The following TMPRSS11E variants were observed in gnomAD, a reference collection of about 807,000 sequenced individuals.
TMPRSS11E encodes transmembrane serine protease 11E, also known as transmembrane protease serine 11E.
In TMPRSS11E, 38 loss-of-function variants were observed where a neutral mutation model predicts 48.1. The ratio of observed to expected loss-of-function variants is 0.79; its 90% CI spans 0.61 to 1.04. TMPRSS11E has a LOEUF of 1.04. Ranked by LOEUF, TMPRSS11E falls within the 50% of genes least tolerant of loss-of-function variation. TMPRSS11E has a pLI of 0.00. For synonymous variants in TMPRSS11E, 158 were observed against 171.9 expected (o/e 0.92, Z 0.63); for missense variants, 530 against 510.8 (o/e 1.04, Z -0.36).
intron 9 of TMPRSS11E, among the ~76,000 whole-genome samples, chr4:68,491,298 G>GTAAA (rs1729713868): frequency 7.6e-5 from 1 of 13,116 alleles, no homozygotes; most frequent in Non-Finnish European, 1.6e-4. Flanking sequence ...GATATATGAA[G>GTAAA]CAAAAAAAAA....
At chr4:68,488,608 G>A (rs1371407946) in intron 9 of TMPRSS11E, among the ~76,000 whole-genome samples, 6 of 151,784 alleles carry the variant, frequency 4.0e-5, no homozygotes, top group Non-Finnish European at 5.9e-5. Flanking sequence ...GCAAGATATC[G>A]GCTCACTGCA....
chr4:68,490,721 T>C (rs1207097858), intron 9 of TMPRSS11E, among the ~76,000 whole-genome samples: 1 of 147,542 alleles, frequency 6.8e-6, no homozygotes, highest in African/African-American at 2.5e-5. Context: ...CATTACTGGG[T>C]GGTAGTTCAT....
intron 3 of TMPRSS11E, among the ~76,000 whole-genome samples, chr4:68,468,415 G>T (rs896708927): frequency 3.3e-5 from 5 of 152,044 alleles, no homozygotes; most frequent in African/African-American, 1.2e-4. Flanking sequence ...GCTGAACTTC[G>T]TGTACATTAT....
chr4:68,477,389 G>GGACT lies in TMPRSS11E; in HGVS notation c.730_733dup (p.Ala245AspfsTer24). On this transcript the variant is annotated frameshift_variant, in exon 8 of 10. Transcript: ENST00000305363. LOFTEE classifies it high-confidence loss of function. ...CCCAGATATAAGAACCCTGCCAGAT[G>GGACT]GACTGCTTCCTTTGGAGTAACAATA... 3 of 1,613,732 alleles carry GGACT rather than the reference G, an allele frequency of 1.9e-6. No homozygotes were observed. Among genetic ancestry groups the GGACT allele is most frequent in the Non-Finnish European group, 2.5e-6 (3 of 1,179,838 alleles).
intron 9 of TMPRSS11E, among the ~76,000 whole-genome samples, chr4:68,479,473 A>G (rs1341904049): frequency 6.7e-6 from 1 of 149,804 alleles, no homozygotes; most frequent in Non-Finnish European, 1.5e-5. Flanking sequence ...TTTAAGTTAT[A>G]TATATGTGTA....
chr4:68,481,323 A>C (rs560606553), intron 9 of TMPRSS11E, among the ~76,000 whole-genome samples: 1 of 152,302 alleles, frequency 6.6e-6, no homozygotes, highest in African/African-American at 2.4e-5. Context: ...TATACCCAGT[A>C]ATGGGATTGC....
chr4:68,490,662 C>A (rs932822277), intron 9 of TMPRSS11E, among the ~76,000 whole-genome samples: 1 of 151,608 alleles, frequency 6.6e-6, no homozygotes, highest in Non-Finnish European at 1.5e-5. Context: ...CTTGACTTCC[C>A]ACTACCTCTC....
chr4:68,478,989 C>T lies in TMPRSS11E; in HGVS notation c.1108C>T (p.Gln370Ter). 9 of 1,612,822 alleles carry T rather than the reference C, an allele frequency of 5.6e-6. No individual in the cohort carries two copies. The highest frequency in any genetic ancestry group is 7.6e-6 in the Non-Finnish European group (9 of 1,179,668). ...CTTAGAAGGAAAAACAGATGCATGC[C>T]AGGTAAACAGTTTTGCCCATTAGTA... ...GSLEGKTDACQGDSGGPLVSS... is the reference protein window; with the variant it reads ...GSLEGKTDAC The change falls in exon 9 of 10, where the codon CAG becomes TAG. Residue 370 changes from glutamine (Q) to a stop codon, truncating the protein, a stop_gained and splice_region_variant. Coordinates refer to ENST00000305363, the MANE Select transcript of TMPRSS11E (RefSeq NM_014058.4). LOFTEE classifies it high-confidence loss of function.
chr4:68,456,893 A>C (rs1227564872), intron 1 of TMPRSS11E, among the ~76,000 whole-genome samples: 1 of 152,046 alleles, frequency 6.6e-6, no homozygotes, highest in Non-Finnish European at 1.5e-5. Context: ...TTACACCTTA[A>C]ACAAAAATTA....
Position 68,451,067 on chromosome 4 carries a change from G to C in TMPRSS11E, c.11+3544G>C, listed in dbSNP as rs189465118. 5.3e-5 allele frequency among the ~76,000 whole-genome samples: 8 copies of C among 151,954 alleles called. 1 individual carries two copies. The highest frequency in any genetic ancestry group is 1.9e-4 in the African/African-American group (8 of 41,498). ...AGCAGTGTCGTGTGTTTCCGTATTAGCACTGAGATTTATAAGCATGCCTGA... is the reference window on the plus strand; with the variant it reads ...AGCAGTGTCGTGTGTTTCCGTATTACCACTGAGATTTATAAGCATGCCTGA... On this transcript the variant is annotated intron_variant, in intron 1 of 9. Coordinates refer to ENST00000305363, the MANE Select transcript of TMPRSS11E (RefSeq NM_014058.4).
chr4:68,492,505 C>T (rs1439022757), intron 9 of TMPRSS11E, among the ~76,000 whole-genome samples: 1 of 152,128 alleles, frequency 6.6e-6, no homozygotes, highest in Non-Finnish European at 1.5e-5. Context: ...GGCGATTTTG[C>T]TGTTTAAAAT....
chr4:68,496,575 T>G (rs1299215831), intron 9 of TMPRSS11E, 68 bp from the exon 10 acceptor site: 1 of 1,464,898 alleles, frequency 6.8e-7, no homozygotes, highest in East Asian at 2.4e-5. Context: ...ATTCTTAAGT[T>G]AGAAAAATAG....
intron 9 of TMPRSS11E, among the ~76,000 whole-genome samples, chr4:68,483,463 T>C (rs2109709080): frequency 6.6e-6 from 1 of 152,292 alleles, no homozygotes; most frequent in African/African-American, 2.4e-5. Flanking sequence ...TTTTTCCCCA[T>C]TTTAAAAGGG....
Position 68,483,296 on chromosome 4 carries a change from A to T in TMPRSS11E, c.1110+4305A>T, listed in dbSNP as rs547988743. ...AGGTGCCACACACTTTTAAACAACC[A>T]GATATCGTGACAGTTCACTTGCTAT... On this transcript the variant is annotated intron_variant, in intron 9 of 9. Coordinates refer to ENST00000305363, the MANE Select transcript of TMPRSS11E (RefSeq NM_014058.4). Among the ~76,000 whole-genome samples the T allele has an allele frequency of 2.6e-4, 39 of 152,304 alleles. No homozygotes were observed. In the South Asian group the frequency reaches 7.7e-3, roughly 30 times the overall value.
intron 9 of TMPRSS11E, among the ~76,000 whole-genome samples, chr4:68,494,116 G>A (rs1006146265): frequency 1.8e-5 from 2 of 110,110 alleles, no homozygotes; most frequent in African/African-American, 5.4e-5. Context: ...TTTATCTGCT[G>A]TCTATATTCT....
chr4:68,451,738 T>A (rs946124890), intron 1 of TMPRSS11E, among the ~76,000 whole-genome samples: 2 of 151,924 alleles, frequency 1.3e-5, no homozygotes, highest in Admixed American at 6.6e-5. Context: ...TTAAACTTTA[T>A]ATCAACCTAT....
chr4:68,454,027 AC>A (rs1295246057), intron 1 of TMPRSS11E, among the ~76,000 whole-genome samples: 3 of 151,938 alleles, frequency 2.0e-5, no homozygotes, highest in African/African-American at 7.2e-5. Context: ...ACTCTTATGG[AC>A]AAGGGGCACT....
chr4:68,471,394 C>T, intron 4 of TMPRSS11E, 66 bp from the exon 5 acceptor site: 1 of 442,168 alleles, frequency 2.3e-6, no homozygotes, highest in Non-Finnish European at 3.8e-6. Flanking sequence ...CCCTCCCTCC[C>T]TCCCTTCCTG....
Position 68,477,224 on chromosome 4 carries a change from C to T in TMPRSS11E, c.708-145C>T, listed in dbSNP as rs1203887933. The T allele has an allele frequency of 5.0e-6, 4 of 794,978 alleles. No individual in the cohort carries two copies. In the African/African-American group the frequency reaches 7.2e-5, roughly 14 times the overall value. 49.2% of individuals were successfully genotyped at this position (794,978 alleles called of 1,614,324 possible). A position where few individuals can be genotyped will look rare whatever the true frequency, so the allele number is the denominator to read the frequency against. On this transcript the variant is annotated intron_variant, in intron 7 of 9. Coordinates refer to ENST00000305363, the MANE Select transcript of TMPRSS11E (RefSeq NM_014058.4). ...TTTTCACCTGGTCAGAACCCTGAGC[C>T]TTATTATCAAATTGGAAAGAGTTCT...
Sources: gnomAD v4.1 joint callset for allele counts (sites outside exome capture counted in the v4.1 genomes callset) on GRCh38, gnomAD v4.1.1 for gene constraint, MANE v1.5 for transcripts, NCBI Gene and HGNC (gene_info 2026-07-23, HGNC 2026-07-21) for gene names.